The following SMC2 variants were observed in gnomAD, a reference collection of about 807,000 sequenced individuals.
SMC2 encodes structural maintenance of chromosomes 2, also known as structural maintenance of chromosomes protein 2.
SMC2 carries 41 observed loss-of-function variants against 142.6 expected under a neutral mutation model. The ratio of observed to expected loss-of-function variants is 0.29; its 90% confidence interval spans 0.22 to 0.37. The LOEUF (loss-of-function observed/expected upper bound fraction) is 0.37, where lower values mean the gene tolerates loss of function less well. Ranked by LOEUF, SMC2 falls within the 10% of genes least tolerant of loss-of-function variation. SMC2 has a pLI of 1.00. For synonymous variants in SMC2, 463 were observed against 457.5 expected (o/e 1.01, Z -0.15); for missense variants, 1,265 against 1,373.7 (o/e 0.92, Z 1.25).
intron 9 of SMC2, among the ~76,000 whole-genome samples, chr9:104,106,812 G>A (rs148527446): frequency 6.6e-6 from 1 of 152,166 alleles, no homozygotes; most frequent in African/African-American, 2.4e-5. Flanking sequence ...GTGATGGGGT[G>A]GACCAAATGG....
chr9:104,102,746 C>T (rs10991109), intron 9 of SMC2, among the ~76,000 whole-genome samples, 173 bp downstream of exon 9: 1 of 151,920 alleles, frequency 6.6e-6, no homozygotes, highest in African/African-American at 2.4e-5. Context: ...CCTTGTGGAC[C>T]TTCATTCCAT....
At chr9:104,093,144 A>G (rs1243896974), upstream of SMC2, 1 of 152,186 alleles carries the variant, frequency 6.6e-6, no homozygotes, top group African/African-American at 2.4e-5. Flanking sequence ...TGGAAGCCCA[A>G]AAGGATCAAG....
intron 22 of SMC2, among the ~76,000 whole-genome samples, chr9:104,133,031 A>G (rs961470693): frequency 6.6e-6 from 1 of 152,048 alleles, no homozygotes; most frequent in Non-Finnish European, 1.5e-5. Flanking sequence ...CAATAATCTA[A>G]CAAAGTAGGT....
chr9:104,118,928 G>T (rs921454085), intron 15 of SMC2, among the ~76,000 whole-genome samples: 3 of 152,080 alleles, frequency 2.0e-5, no homozygotes, highest in African/African-American at 7.2e-5. Flanking sequence ...ACAACGATGA[G>T]GTAGGCATAT....
intron 12 of SMC2, 27 bp from the exon 13 acceptor site, chr9:104,114,664 T>G: frequency 3.8e-6 from 6 of 1,592,280 alleles, no homozygotes; most frequent in Non-Finnish European, 5.1e-6. Flanking sequence ...TATCTAAGAT[T>G]AATTTTTGTC....
rs567910817 is a variant in SMC2 at position 104,101,961 on chromosome 9, A to G, written c.638A>G (p.Glu213Gly). The change falls in exon 8 of 25, where the codon GAA (glutamate) becomes GGA (glycine). Residue 213 changes from glutamate (E) to glycine (G), a missense_variant and splice_region_variant. By Grantham distance (98) the Glu-to-Gly change is moderately conservative (BLOSUM62 -2). Around this residue, in one of 4 missense-constraint regions of SMC2, gnomAD observed 898 missense variants for 904.2 expected, o/e 0.99. Coordinates refer to ENST00000374793, the MANE Select transcript of SMC2 (RefSeq NM_006444.3). ...ITPTIQKLKEERSSYLEYQKV... is the reference protein window; with the variant it reads ...ITPTIQKLKEGRSSYLEYQKV... ...CTTTTTTTGTGATTTCTCTTTCAGGAAAGATCGTCCTACTTGGAGTACCAA... is the reference window on the plus strand; with the variant it reads ...CTTTTTTTGTGATTTCTCTTTCAGGGAAGATCGTCCTACTTGGAGTACCAA... 71 of 1,537,580 alleles carry G rather than the reference A, an allele frequency of 4.6e-5. No homozygotes were observed. Among genetic ancestry groups the G allele is most frequent in the African/African-American group, 7.0e-5 (5 of 71,866 alleles).
At chr9:104,116,038 C>A (rs1212830843) in intron 13 of SMC2, among the ~76,000 whole-genome samples, 162 bp from the exon 14 acceptor site, 1 of 37,904 alleles carries the variant, frequency 2.6e-5, no homozygotes, top group East Asian at 2.9e-4. Flanking sequence ...ATGGCAGCAT[C>A]TCCTTTTTCA....
intron 14 of SMC2, among the ~76,000 whole-genome samples, chr9:104,117,173 T>C (rs1244633030): frequency 6.6e-6 from 1 of 152,202 alleles, no homozygotes; most frequent in Non-Finnish European, 1.5e-5. Flanking sequence ...GTACTTTCTT[T>C]ACTTGAAAAC....
In SMC2 at chr9:104,118,309, A is replaced by G; in HGVS notation, c.1930A>G (p.Arg644Gly). 6.2e-7 allele frequency: 1 copy of G among 1,613,760 alleles called. No individual in the cohort carries two copies. Among genetic ancestry groups the G allele is most frequent in the Non-Finnish European group, 8.5e-7 (1 of 1,179,756 alleles). ...TGCCAAAAAAGTGGCCTTTGATAAG[A>G]GGATAATGACTAGAACTGTAACTCT... ...DNAKKVAFDK[R>G]IMTRTVTLGG... is the part of the protein sequence containing the mutation. The change falls in exon 15 of 25, where the codon AGG becomes GGG. Residue 644 changes from arginine to glycine, a missense_variant. Physicochemically the swap from Arg to Gly is moderately radical, Grantham distance 125. This residue lies in a region of SMC2 where 898 missense variants were observed against 904.2 expected (regional missense o/e 0.99). Coordinates refer to ENST00000374793, the MANE Select transcript of SMC2 (RefSeq NM_006444.3).
chr9:104,122,430 G>A (rs968933611), intron 16 of SMC2, among the ~76,000 whole-genome samples: 1 of 150,916 alleles, frequency 6.6e-6, no homozygotes, highest in Non-Finnish European at 1.5e-5. Context: ...ATATCTTCAG[G>A]CAAGAATACT....
At chr9:104,102,383 A>C in intron 8 of SMC2, 41 bp from the exon 9 acceptor site, 1 of 1,551,654 alleles carries the variant, frequency 6.4e-7, no homozygotes, top group East Asian at 2.3e-5. Context: ...AGCGTGAACA[A>C]ATTTTACATA....
At chr9:104,112,847 G>C (rs41460248) in intron 10 of SMC2, among the ~76,000 whole-genome samples, 9,185 of 152,078 alleles carry the variant, frequency 0.06, 738 homozygotes, top group African/African-American at 0.19. Flanking sequence ...AAGTTTCTCT[G>C]TCAGTTTAGC....
At position 104,116,328 on chromosome 9, in the gene SMC2, C is replaced by A. The variant is rs1317036128; in HGVS notation, c.1791+9C>A. 1 of 1,596,246 alleles carries A rather than the reference C, an allele frequency of 6.3e-7. No individual in the cohort carries two copies. Among genetic ancestry groups the A allele is most frequent in the East Asian group, 2.3e-5 (1 of 44,184 alleles). On this transcript the variant is annotated intron_variant, in intron 14 of 24. Transcript: ENST00000374793. ...GAGTTGCTCAGAATCTTGTAAGTCT[C>A]ATTTTGTCTTATTTATATGTTTAAT...
chr9:104,096,758 T>C (rs1373340610), intron 3 of SMC2, among the ~76,000 whole-genome samples: 1 of 152,226 alleles, frequency 6.6e-6, no homozygotes, highest in Non-Finnish European at 1.5e-5. Flanking sequence ...CCTACTTCAG[T>C]GTTTAAGTGA....
intron 23 of SMC2, among the ~76,000 whole-genome samples, chr9:104,136,466 A>AAAAT (rs1257447568): frequency 6.6e-6 from 1 of 152,154 alleles, no homozygotes; most frequent in African/African-American, 2.4e-5. Context: ...TGTTTTGAGG[A>AAAAT]AAATAGAAAA....
In SMC2 at chr9:104,099,633, T is replaced by C; in HGVS notation, c.442-11T>C. On this transcript the variant is annotated splice_polypyrimidine_tract_variant and intron_variant, in intron 4 of 24. Transcript: ENST00000374793. Reference sequence around the variant, plus strand: ...TTTGTTATCTTAGTAAGTTTGCTATTTTATTTTCAGGGCCGAATTACAAAA... The same window carrying C: ...TTTGTTATCTTAGTAAGTTTGCTATCTTATTTTCAGGGCCGAATTACAAAA... 6.5e-7 allele frequency: 1 copy of C among 1,546,930 alleles called. No homozygotes were observed. The highest frequency in any genetic ancestry group is 8.9e-7 in the Non-Finnish European group (1 of 1,119,838).
intron 17 of SMC2, 95 bp from the exon 18 acceptor site, chr9:104,124,817 C>CCTGTAATTTTCCAAACCATTTCTTCTATT: frequency 1.2e-6 from 1 of 860,250 alleles, no homozygotes; most frequent in South Asian, 1.8e-5. Flanking sequence ...TAAATTGTAC[C>CCTGTAATTTTCCAAACCATTTCTTCTATT]CTGTAATTTT....
At chr9:104,098,198 G>A (rs568358757) in intron 3 of SMC2, among the ~76,000 whole-genome samples, 1 of 152,298 alleles carries the variant, frequency 6.6e-6, no homozygotes, top group Non-Finnish European at 1.5e-5. Flanking sequence ...CTAGTCTGGT[G>A]CAGGCCAGGG....
At chr9:104,109,161 A>T (rs972813134) in intron 9 of SMC2, among the ~76,000 whole-genome samples, 17 of 152,208 alleles carry the variant, frequency 1.1e-4, no homozygotes, top group Non-Finnish European at 2.2e-4. Context: ...TTTTATCTGG[A>T]TGAGTTTTAA....
Sources: gnomAD v4.1 joint callset for allele counts (sites outside exome capture counted in the v4.1 genomes callset) on GRCh38, gnomAD v4.1.1 for gene constraint, gnomAD v4.1.1 regional missense constraint, MANE v1.5 for transcripts, NCBI Gene and HGNC (gene_info 2026-07-23, HGNC 2026-07-21) for gene names.